Variants in DIP2C observed in about 807,000 individuals in gnomAD.
The protein encoded by DIP2C is disco-interacting protein 2 homolog C.
DIP2C carries 33 observed loss-of-function variants against 192.4 expected under a neutral mutation model. That is an observed-to-expected ratio of 0.17 (90% CI 0.13 to 0.23). The LOEUF (loss-of-function observed/expected upper bound fraction) is 0.23. Ranked by LOEUF, DIP2C falls within the 10% of genes least tolerant of loss-of-function variation. DIP2C has a pLI of 1.00. For synonymous variants in DIP2C, 979 were observed against 864.1 expected (o/e 1.13, Z -2.33); for missense variants, 1,537 against 2,110.1 (o/e 0.73, Z 5.32).
intron 29 of DIP2C, among the ~76,000 whole-genome samples, chr10:334,148 T>C (rs573732102): frequency 1.9e-4 from 29 of 151,244 alleles, no homozygotes; most frequent in Admixed American, 2.6e-4. Context: ...CTACTAAAAA[T>C]ACAAAAAAAA....
At chr10:354,490 G>A (rs1046508315) in intron 24 of DIP2C, among the ~76,000 whole-genome samples, 2 of 152,134 alleles carry the variant, frequency 1.3e-5, no homozygotes, top group African/African-American at 4.8e-5. Flanking sequence ...GGTACATGTT[G>A]CCCATGAACG....
chr10:547,175 G>A (rs1451553572), intron 1 of DIP2C, among the ~76,000 whole-genome samples: 1 of 152,152 alleles, frequency 6.6e-6, no homozygotes, highest in Admixed American at 6.5e-5. Context: ...TGCTGCAGCG[G>A]GACTGAAGTT....
At chr10:617,941 T>C (rs1853585980) in intron 1 of DIP2C, among the ~76,000 whole-genome samples, 1 of 152,100 alleles carries the variant, frequency 6.6e-6, no homozygotes, top group South Asian at 2.1e-4. Context: ...GCACTGCAGG[T>C]GTGACAATTT....
chr10:594,553 G>C (rs868799607), intron 1 of DIP2C, among the ~76,000 whole-genome samples: 2 of 152,188 alleles, frequency 1.3e-5, no homozygotes, highest in South Asian at 2.1e-4. Context: ...CAACGTAAGA[G>C]AACATGGCTG....
intron 3 of DIP2C, among the ~76,000 whole-genome samples, chr10:454,049 G>A (rs191381608): frequency 6.6e-6 from 1 of 152,354 alleles, no homozygotes; most frequent in East Asian, 1.9e-4. Context: ...TCTGAAGAAG[G>A]CAATAAAGGG....
At chr10:606,209 C>T (rs1021965396) in intron 1 of DIP2C, among the ~76,000 whole-genome samples, 2 of 152,186 alleles carry the variant, frequency 1.3e-5, no homozygotes, top group African/African-American at 4.8e-5. Flanking sequence ...CAGCCACGGC[C>T]CAGCAGCACC....
At chr10:310,823 A>G (rs1162679295) in intron 31 of DIP2C, among the ~76,000 whole-genome samples, 3 of 152,218 alleles carry the variant, frequency 2.0e-5, no homozygotes, top group Admixed American at 6.5e-5. Context: ...CGAAGGCTGC[A>G]TTACAAACCA....
intron 3 of DIP2C, among the ~76,000 whole-genome samples, chr10:453,779 C>CT (rs1969054264): frequency 6.6e-6 from 1 of 152,208 alleles, no homozygotes; most frequent in African/African-American, 2.4e-5. Flanking sequence ...AGCACAGGGG[C>CT]TCCAAGGAGA....
At chr10:458,838 A>C (rs11598550) in intron 3 of DIP2C, among the ~76,000 whole-genome samples, 53,119 of 152,164 alleles carry the variant, frequency 0.35, 10,738 homozygotes, top group Non-Finnish European at 0.47. Flanking sequence ...GGCACAGCAG[A>C]GTGCTCGGAA....
intron 1 of DIP2C, among the ~76,000 whole-genome samples, chr10:635,006 A>G (rs1045619999): frequency 9.2e-5 from 14 of 152,142 alleles, no homozygotes; most frequent in African/African-American, 3.4e-4. Flanking sequence ...AGTCTTCCCA[A>G]CTCTCGCTCA....
intron 1 of DIP2C, among the ~76,000 whole-genome samples, chr10:535,285 T>TGGGGAGAGGAGACAAGCAGCA (rs1847637352): frequency 6.6e-6 from 1 of 150,686 alleles, no homozygotes; most frequent in Non-Finnish European, 1.5e-5. Flanking sequence ...GGGCCAGGGG[T>TGGGGAGAGGAGACAAGCAGCA]GGGGAGAGGA....
intron 1 of DIP2C, among the ~76,000 whole-genome samples, chr10:579,314 CTA>C (rs1564222671): frequency 1.3e-5 from 2 of 151,916 alleles, no homozygotes; most frequent in African/African-American, 4.8e-5. Flanking sequence ...CATAGGTACA[CTA>C]TAATACGTGT....
At chr10:436,120 C>T (rs543793323) in intron 4 of DIP2C, among the ~76,000 whole-genome samples, 13 of 152,322 alleles carry the variant, frequency 8.5e-5, no homozygotes, top group Admixed American at 1.3e-4. Flanking sequence ...TCAGACCGGG[C>T]GCACTTCATG....
intron 1 of DIP2C, among the ~76,000 whole-genome samples, chr10:583,727 A>G (rs1850806090): frequency 1.3e-5 from 2 of 152,218 alleles, no homozygotes; most frequent in Non-Finnish European, 2.9e-5. Context: ...TAATAAAATA[A>G]AGAACACCCG....
At chr10:364,331 GC>G in intron 20 of DIP2C, 42 bp downstream of exon 20, 1 of 1,577,634 alleles carries the variant, frequency 6.3e-7, no homozygotes, top group Non-Finnish European at 8.6e-7. Context: ...AAAAAATATG[GC>G]CGACCGGAAA....
intron 1 of DIP2C, chr10:662,642 T>TG: frequency 3.5e-6 from 2 of 567,088 alleles, no homozygotes; most frequent in Non-Finnish European, 6.3e-6. Context: ...AGACTTGATA[T>TG]GGGGGAATTT....
intron 1 of DIP2C, among the ~76,000 whole-genome samples, chr10:532,306 GCTT>G (rs1490265725): frequency 6.6e-6 from 1 of 152,062 alleles, no homozygotes; most frequent in Non-Finnish European, 1.5e-5. Flanking sequence ...ACCAGAACTG[GCTT>G]CTAAGGCCCT....
chr10:535,460 C>T (rs1847646515), intron 1 of DIP2C, among the ~76,000 whole-genome samples: 1 of 152,084 alleles, frequency 6.6e-6, no homozygotes, highest in Admixed American at 6.5e-5. Context: ...CCCCAGGAGG[C>T]AGACACTTGG....
At chr10:463,372 C>CA (rs974016490) in intron 3 of DIP2C, among the ~76,000 whole-genome samples, 3 of 152,008 alleles carry the variant, frequency 2.0e-5, no homozygotes, top group South Asian at 4.2e-4. Flanking sequence ...AACAGGGGGC[C>CA]AAATCATGAA....
Sources: gnomAD v4.1 joint callset for allele counts (sites outside exome capture counted in the v4.1 genomes callset) on GRCh38, gnomAD v4.1.1 for gene constraint, MANE v1.5 for transcripts, NCBI Gene and HGNC (gene_info 2026-07-23, HGNC 2026-07-21) for gene names.